The following LHFPL6 variants were observed in gnomAD, a reference collection of about 807,000 sequenced individuals.
The protein encoded by LHFPL6 is LHFPL tetraspan subfamily member 6 protein.
LHFPL6 carries 9 observed loss-of-function variants against 20.6 expected under a neutral mutation model. That is an observed-to-expected ratio of 0.44 (90% CI 0.26 to 0.76). LHFPL6 has a LOEUF of 0.76. Among genes scored for constraint, LHFPL6 ranks in the 30% least tolerant of loss-of-function variants. The pLI, the probability that LHFPL6 is intolerant of heterozygous loss-of-function variation, is 0.20. For missense variants in LHFPL6, 218 were observed against 253.5 expected, an observed-to-expected ratio of 0.86 and a Z score of 0.95; for synonymous variants, 105 against 98.7, an observed-to-expected ratio of 1.06 and a Z score of -0.38.
intron 3 of LHFPL6, among the ~76,000 whole-genome samples, chr13:39,376,306 T>C (rs1870292334): frequency 6.6e-6 from 1 of 152,124 alleles, no homozygotes; most frequent in Non-Finnish European, 1.5e-5. Flanking sequence ...ACAGTTTGCT[T>C]TCCAAAAAAA....
At chr13:39,525,710 T>C (rs978660510) in intron 2 of LHFPL6, among the ~76,000 whole-genome samples, 1 of 152,002 alleles carries the variant, frequency 6.6e-6, no homozygotes, top group African/African-American at 2.4e-5. Context: ...AAAAGCCATA[T>C]CATGAATTCA....
chr13:39,600,618 G>T (rs1482756850), intron 2 of LHFPL6, among the ~76,000 whole-genome samples: 1 of 152,216 alleles, frequency 6.6e-6, no homozygotes, highest in African/African-American at 2.4e-5. Flanking sequence ...GGCCAGTGAT[G>T]TATATGTACA....
chr13:39,506,601 G>A (rs542096784), intron 2 of LHFPL6, among the ~76,000 whole-genome samples: 2 of 151,904 alleles, frequency 1.3e-5, no homozygotes, highest in Non-Finnish European at 2.9e-5. Flanking sequence ...AAGGGCCACC[G>A]CCACTCAGCA....
chr13:39,386,560 A>G (rs937979088), intron 2 of LHFPL6, among the ~76,000 whole-genome samples: 2 of 152,204 alleles, frequency 1.3e-5, no homozygotes, highest in African/African-American at 2.4e-5. Flanking sequence ...ATGCTTGGAC[A>G]TAAGTCCACT....
chr13:39,475,738 G>A (rs561321941), intron 2 of LHFPL6, among the ~76,000 whole-genome samples: 10 of 152,092 alleles, frequency 6.6e-5, no homozygotes, highest in Admixed American at 2.6e-4. Context: ...CAGTGTACAC[G>A]AGAAATAGCA....
chr13:39,558,268 C>T (rs144817125), intron 2 of LHFPL6, among the ~76,000 whole-genome samples: 1 of 152,266 alleles, frequency 6.6e-6, no homozygotes, highest in Non-Finnish European at 1.5e-5. Flanking sequence ...CAATTCATTA[C>T]ATGAAAAATA....
chr13:39,505,067 T>C (rs962893328), intron 2 of LHFPL6, among the ~76,000 whole-genome samples: 15 of 152,226 alleles, frequency 9.9e-5, no homozygotes, highest in African/African-American at 3.4e-4. Context: ...AGATCTTTCA[T>C]TTTAGATTCA....
intron 2 of LHFPL6, among the ~76,000 whole-genome samples, chr13:39,434,279 T>G (rs188068965): frequency 1.0e-3 from 159 of 152,314 alleles, no homozygotes; most frequent in African/African-American, 3.2e-3. Context: ...TAAGAAAATA[T>G]ATTATTGACA....
At chr13:39,378,599 A>G in intron 2 of LHFPL6, 73 bp from the exon 3 acceptor site, 1 of 1,129,828 alleles carries the variant, frequency 8.9e-7, no homozygotes, top group Non-Finnish European at 1.3e-6. Flanking sequence ...TGGGATCAAT[A>G]TTTAGCAATA....
chr13:39,421,809 T>A (rs893434872), intron 2 of LHFPL6, among the ~76,000 whole-genome samples: 1 of 152,200 alleles, frequency 6.6e-6, no homozygotes, highest in Non-Finnish European at 1.5e-5. Flanking sequence ...AATTTGAAGG[T>A]TGGCTATATG....
intron 2 of LHFPL6, among the ~76,000 whole-genome samples, chr13:39,438,440 T>C (rs1872023474): frequency 6.6e-6 from 1 of 152,240 alleles, no homozygotes; most frequent in Admixed American, 6.5e-5. Flanking sequence ...CTTTGCGTCT[T>C]GGCCATATGG....
chr13:39,418,401 T>TTTC (rs199555981), intron 2 of LHFPL6, among the ~76,000 whole-genome samples: 13 of 145,444 alleles, frequency 8.9e-5, no homozygotes, highest in African/African-American at 3.3e-4. Flanking sequence ...TTTTTTTTTT[T>TTTC]CCAGAATGCC....
At chr13:39,436,805 C>G (rs765620559) in intron 2 of LHFPL6, among the ~76,000 whole-genome samples, 13 of 152,178 alleles carry the variant, frequency 8.5e-5, no homozygotes, top group Non-Finnish European at 1.9e-4. Flanking sequence ...TTTCAACATC[C>G]CAGTGTGTGC....
chr13:39,461,986 G>A (rs961905898), intron 2 of LHFPL6, among the ~76,000 whole-genome samples: 1 of 151,880 alleles, frequency 6.6e-6, no homozygotes, highest in African/African-American at 2.4e-5. Flanking sequence ...AAAATGCCCT[G>A]TGGCTGAGTC....
chr13:39,533,741 C>T (rs796698845), intron 2 of LHFPL6, among the ~76,000 whole-genome samples: 2 of 152,298 alleles, frequency 1.3e-5, no homozygotes, highest in African/African-American at 4.8e-5. Context: ...TTGGAAGACA[C>T]GTGGTCTTCC....
At chr13:39,466,973 T>C (rs1872819617) in intron 2 of LHFPL6, among the ~76,000 whole-genome samples, 1 of 152,232 alleles carries the variant, frequency 6.6e-6, no homozygotes, top group African/African-American at 2.4e-5. Context: ...TTTGTATACA[T>C]TGATCTTTGT....
rs117052609 is a variant in LHFPL6 at position 39,429,562 on chromosome 13, T to C, written c.386-51036A>G. Among the ~76,000 whole-genome samples, 282 of 152,344 alleles carry C rather than the reference T, an allele frequency of 1.9e-3. 5 individuals carry two copies. In the East Asian group the frequency reaches 0.03, roughly 16 times the overall value. On this transcript the variant is annotated intron_variant, in intron 2 of 3. Coordinates refer to ENST00000379589, the MANE Select transcript of LHFPL6 (RefSeq NM_005780.3). The stretch of plus-strand genomic sequence containing the variant: ...CTTACATTTTTATACAATCTGACAA[T>C]CTTTGCCTGTATTTCTATTTAATGT...
intron 2 of LHFPL6, among the ~76,000 whole-genome samples, chr13:39,435,836 T>A (rs1871942937): frequency 6.6e-6 from 1 of 152,102 alleles, no homozygotes; most frequent in African/African-American, 2.4e-5. Context: ...ATATTTTCAA[T>A]CAAAACAACC....
intron 2 of LHFPL6, among the ~76,000 whole-genome samples, chr13:39,410,576 C>A (rs1193446072): frequency 6.6e-6 from 1 of 152,110 alleles, no homozygotes; most frequent in Admixed American, 6.6e-5. Flanking sequence ...ACAAAACCAA[C>A]AAAAGACAGT....
Sources: allele counts gnomAD v4.1 joint callset (sites outside exome capture counted in the v4.1 genomes callset), GRCh38; gene constraint gnomAD v4.1.1; transcripts MANE v1.5; gene names NCBI Gene and HGNC (gene_info 2026-07-23, HGNC 2026-07-21).